ITPR1: variants seen among roughly 807,000 people sequenced by gnomAD.
The protein encoded by ITPR1 is inositol 1,4,5-trisphosphate-gated calcium channel ITPR1.
In ITPR1, 96 loss-of-function variants were observed where a neutral mutation model predicts 318.4. The ratio of observed to expected loss-of-function variants is 0.30; its 90% CI spans 0.26 to 0.36. ITPR1 has a LOEUF of 0.36. ITPR1 is among the 10% of genes least tolerant of loss of function. The probability of loss-of-function intolerance (pLI) is 1.00; values close to 1 mark genes in which losing one functional copy is unlikely to be tolerated. For synonymous variants in ITPR1, 1,312 were observed against 1,289.9 expected (o/e 1.02, Z -0.37); for missense variants, 2,440 against 3,460.2 (o/e 0.71, Z 7.40).
At chr3:4,575,639 T>G (rs776651787) in intron 4 of ITPR1, among the ~76,000 whole-genome samples, 16 of 151,864 alleles carry the variant, frequency 1.1e-4, no homozygotes, top group Non-Finnish European at 1.5e-4. Context: ...AGTGACCCTG[T>G]GTTGGAGGAG....
At chr3:4,556,296 A>G (rs993181411) in intron 4 of ITPR1, among the ~76,000 whole-genome samples, 13 of 152,186 alleles carry the variant, frequency 8.5e-5, no homozygotes, top group African/African-American at 2.9e-4. Context: ...TGATGAACCT[A>G]CCTAGACCCA....
At chr3:4,813,921 G>A (rs1040974283) in intron 57 of ITPR1, among the ~76,000 whole-genome samples, 1 of 152,204 alleles carries the variant, frequency 6.6e-6, no homozygotes, top group Non-Finnish European at 1.5e-5. Context: ...CACACAGCAA[G>A]GCATGGCTCT....
intron 46 of ITPR1, among the ~76,000 whole-genome samples, chr3:4,773,491 A>G (rs2046312465): frequency 6.6e-6 from 1 of 152,170 alleles, no homozygotes. Flanking sequence ...CTGTATCTTC[A>G]AGTCCTTTTT....
intron 31 of ITPR1, among the ~76,000 whole-genome samples, chr3:4,690,892 A>G (rs2094469884): frequency 6.6e-6 from 1 of 152,316 alleles, no homozygotes; most frequent in Non-Finnish European, 1.5e-5. Flanking sequence ...TGGGTGTTCA[A>G]GGTCCCTTTA....
chr3:4,530,404 T>C (rs149954078), intron 4 of ITPR1, among the ~76,000 whole-genome samples: 1 of 152,192 alleles, frequency 6.6e-6, no homozygotes, highest in Non-Finnish European at 1.5e-5. Context: ...CATTTTAAAT[T>C]GAATGGCCGC....
Position 4,684,262 on chromosome 3 carries a change from T to C in ITPR1, c.3499-19T>C. On this transcript the variant is annotated intron_variant, in intron 28 of 61. Transcript: ENST00000649015. ...CCAAGAGTTGTACAGATCACACTTGTGTTCACTTTGGTTTCTAGGAGGGAA... is the reference window on the plus strand; with the variant it reads ...CCAAGAGTTGTACAGATCACACTTGCGTTCACTTTGGTTTCTAGGAGGGAA... 3 of 1,573,766 alleles carry C rather than the reference T, an allele frequency of 1.9e-6. No individual in the cohort carries two copies. Among genetic ancestry groups the C allele is most frequent in the Non-Finnish European group, 2.6e-6 (3 of 1,145,614 alleles).
intron 42 of ITPR1, among the ~76,000 whole-genome samples, chr3:4,730,712 T>C (rs1278097244): frequency 6.6e-6 from 1 of 152,010 alleles, no homozygotes; most frequent in Non-Finnish European, 1.5e-5. Context: ...AAGCCACCAC[T>C]AGAAACTGAA....
intron 4 of ITPR1, among the ~76,000 whole-genome samples, chr3:4,614,515 T>C (rs2092307072): frequency 6.6e-6 from 1 of 152,250 alleles, no homozygotes; most frequent in African/African-American, 2.4e-5. Context: ...TTATTACCTC[T>C]TTATAGTCAG....
chr3:4,516,501 A>G lies in ITPR1; in HGVS notation c.10A>G (p.Lys4Glu). 6.3e-7 allele frequency: 1 copy of G among 1,576,800 alleles called. No individual in the cohort carries two copies. Among genetic ancestry groups the G allele is most frequent in the Non-Finnish European group, 8.6e-7 (1 of 1,160,466 alleles). The change falls in exon 3 of 62, where the codon AAA (lysine) becomes GAA (glutamate). Residue 4 changes from lysine to glutamate, a missense_variant. Physicochemically the swap from Lys to Glu is moderately conservative, Grantham distance 56. This residue lies in a region of ITPR1 where 186 missense variants were observed against 323.9 expected (regional missense o/e 0.57). Transcript: ENST00000649015. MSD[K>E]MSSFLHIGDI... ...GATTTTCAAGAAAGACATGTCTGAC[A>G]AAATGTCTAGCTTCCTACATATTGG...
chr3:4,657,986 C>T, intron 12 of ITPR1, 138 bp from the exon 13 acceptor site: 2 of 739,610 alleles, frequency 2.7e-6, no homozygotes, highest in South Asian at 4.0e-5. Flanking sequence ...TAGGACTGCT[C>T]TGTAACTGTG....
chr3:4,793,410 A>G (rs2047696290), intron 52 of ITPR1, among the ~76,000 whole-genome samples: 1 of 152,184 alleles, frequency 6.6e-6, no homozygotes, highest in Non-Finnish European at 1.5e-5. Context: ...TAGTGTGGAG[A>G]GGATATTTCA....
At chr3:4,574,197 T>C (rs1252171038) in intron 4 of ITPR1, among the ~76,000 whole-genome samples, 1 of 151,716 alleles carries the variant, frequency 6.6e-6, no homozygotes, top group Non-Finnish European at 1.5e-5. Context: ...AGATGCCTTA[T>C]CTTCTTTTTT....
Position 4,813,230 on chromosome 3 carries a change from A to G in ITPR1, c.7557A>G (p.Arg2519=), listed in dbSNP as rs576468590. The G allele has an allele frequency of 8.1e-6, 13 of 1,607,602 alleles. No individual in the cohort carries two copies. In the East Asian group the frequency reaches 2.7e-4, roughly 33 times the overall value. ...SGENCSSPAP[R]EELVPAEETE... is the part of the protein sequence containing the mutation. ...AGAACTGCTCCTCTCCTGCACCCAGAGAAGGTAGGACCTCCTAACTGTAAG... is the reference window on the plus strand; with the variant it reads ...AGAACTGCTCCTCTCCTGCACCCAGGGAAGGTAGGACCTCCTAACTGTAAG... The change falls in exon 57 of 62, where the codon AGA becomes AGG. Residue 2519 remains arginine (R), a synonymous_variant. Transcript: ENST00000649015.
At chr3:4,513,883 C>T (rs963565761) in intron 2 of ITPR1, among the ~76,000 whole-genome samples, 2 of 151,904 alleles carry the variant, frequency 1.3e-5, no homozygotes, top group Non-Finnish European at 2.9e-5. Context: ...GCCAGGAGTT[C>T]AAGACCCGCC....
chr3:4,786,169 C>G (rs2047185704), intron 51 of ITPR1, among the ~76,000 whole-genome samples: 2 of 152,178 alleles, frequency 1.3e-5, no homozygotes, highest in Non-Finnish European at 2.9e-5. Flanking sequence ...GTCCACTTGA[C>G]TATATGAAGC....
intron 52 of ITPR1, among the ~76,000 whole-genome samples, chr3:4,793,087 C>T (rs2047673955): frequency 6.6e-6 from 1 of 152,178 alleles, no homozygotes; most frequent in African/African-American, 2.4e-5. Flanking sequence ...CAAGATTGGT[C>T]TCTAAGTATC....
At chr3:4,803,881 A>T (rs1388999856) in intron 54 of ITPR1, among the ~76,000 whole-genome samples, 5 of 151,888 alleles carry the variant, frequency 3.3e-5, no homozygotes, top group Non-Finnish European at 5.9e-5. Context: ...TTTATTTTAC[A>T]TTTTTTTTGA....
At chr3:4,617,606 A>G (rs1169347044) in intron 4 of ITPR1, among the ~76,000 whole-genome samples, 2 of 152,216 alleles carry the variant, frequency 1.3e-5, no homozygotes, top group African/African-American at 4.8e-5. Flanking sequence ...CATTCAAATC[A>G]TAAGATCCAG....
chr3:4,824,391 C>G (rs746509407), intron 60 of ITPR1, among the ~76,000 whole-genome samples: 2 of 152,174 alleles, frequency 1.3e-5, no homozygotes, highest in Non-Finnish European at 2.9e-5. Context: ...GCAACTTTTG[C>G]AGGGTCGCGG....
Sources: gnomAD v4.1 joint callset for allele counts (sites outside exome capture counted in the v4.1 genomes callset) on GRCh38, gnomAD v4.1.1 for gene constraint, gnomAD v4.1.1 regional missense constraint, MANE v1.5 for transcripts, NCBI Gene and HGNC (gene_info 2026-07-23, HGNC 2026-07-21) for gene names.